WDR20: variants seen among roughly 807,000 people sequenced by gnomAD.
WDR20 encodes WD repeat domain 20.
WDR20 carries 3 observed loss-of-function variants against 38.7 expected under a neutral mutation model. That is an observed-to-expected ratio of 0.08 (90% CI 0.04 to 0.20). The LOEUF (loss-of-function observed/expected upper bound fraction) is 0.20, where lower values mean the gene tolerates loss of function less well. Among genes scored for constraint, WDR20 ranks in the 10% least tolerant of loss-of-function variants. The pLI is 1.00. For synonymous variants in WDR20, 298 were observed against 285.6 expected, an observed-to-expected ratio of 1.04 and a Z score of -0.44; for missense variants, 559 against 727.7, an observed-to-expected ratio of 0.77 and a Z score of 2.67.
downstream of WDR20, chr14:102,213,051 G>T (rs888745311): frequency 6.9e-5 from 68 of 989,532 alleles, no homozygotes; most frequent in Non-Finnish European, 7.9e-5. Flanking sequence ...GTCCCTGGGC[G>T]GTGTCAGACA....
chr14:102,155,100 C>T (rs1375508084), intron 1 of WDR20, among the ~76,000 whole-genome samples: 2 of 152,060 alleles, frequency 1.3e-5, no homozygotes, highest in Non-Finnish European at 2.9e-5. Context: ...GCATATTTTG[C>T]CTTTTGTACG....
chr14:102,166,453 T>C (rs1299397212), intron 1 of WDR20, among the ~76,000 whole-genome samples: 8 of 152,184 alleles, frequency 5.3e-5, no homozygotes. Context: ...TGTGCATGCA[T>C]GTTTGATGAA....
At chr14:102,210,614 C>T (rs538633838), downstream of WDR20, 3 of 896,336 alleles carry the variant, frequency 3.3e-6, no homozygotes, top group Admixed American at 6.2e-5. Flanking sequence ...AACTGCGGGC[C>T]GAGGACGCCA....
At chr14:102,184,592 A>T (rs1374686732) in intron 1 of WDR20, among the ~76,000 whole-genome samples, 2 of 151,978 alleles carry the variant, frequency 1.3e-5, no homozygotes, top group Admixed American at 1.3e-4. Flanking sequence ...GCTCCAAAGG[A>T]GGGGCTTTTG....
downstream of WDR20, chr14:102,212,666 C>T (rs1432800425): frequency 3.3e-6 from 5 of 1,525,572 alleles, no homozygotes; most frequent in Non-Finnish European, 4.4e-6. Context: ...TGAGTAATGG[C>T]TCCCGCAGAC....
At chr14:102,211,061 T>TC (rs1485010688), downstream of WDR20, among the ~76,000 whole-genome samples, 2 of 152,126 alleles carry the variant, frequency 1.3e-5, no homozygotes, top group East Asian at 3.9e-4. This position sits in a 1 kb window ranked among gnomAD's most constrained non-coding sequence, Gnocchi z 4.2. Flanking sequence ...GCTCTGCTGC[T>TC]CCCCCGGAGA....
intron 1 of WDR20, among the ~76,000 whole-genome samples, chr14:102,153,427 C>T (rs1344090479): frequency 2.0e-5 from 3 of 151,772 alleles, no homozygotes; most frequent in South Asian, 2.1e-4. Flanking sequence ...CTGCCTCAGC[C>T]TCTGGAGTAG....
chr14:102,172,767 TC>T (rs1454246731), intron 1 of WDR20, among the ~76,000 whole-genome samples: 1 of 150,030 alleles, frequency 6.7e-6, no homozygotes, highest in Non-Finnish European at 1.5e-5. Context: ...GCTCCTCACT[TC>T]CCAGACGGGG....
intron 1 of WDR20, among the ~76,000 whole-genome samples, chr14:102,179,590 A>G (rs2062939858): frequency 6.6e-6 from 1 of 152,012 alleles, no homozygotes; most frequent in Non-Finnish European, 1.5e-5. Flanking sequence ...GTCTGTATTT[A>G]TAACTTAAAA....
intron 1 of WDR20, among the ~76,000 whole-genome samples, chr14:102,147,436 G>A (rs1042500172): frequency 6.6e-6 from 1 of 152,144 alleles, no homozygotes; most frequent in Non-Finnish European, 1.5e-5. Flanking sequence ...AGAAGCACCT[G>A]GAATATGTCA....
chr14:102,174,546 A>T (rs150671529), intron 1 of WDR20, among the ~76,000 whole-genome samples: 2,180 of 152,254 alleles, frequency 0.014, 34 homozygotes, highest in Middle Eastern at 0.051. Context: ...CAGCCTCCCG[A>T]GTAGCTGGGA....
intron 1 of WDR20, among the ~76,000 whole-genome samples, chr14:102,155,286 T>C (rs749731573): frequency 1.3e-5 from 2 of 152,224 alleles, no homozygotes; most frequent in Non-Finnish European, 2.9e-5. Context: ...GTAAGATATT[T>C]CTTTTAGTTA....
At chr14:102,211,774 A>G (rs2153031283), downstream of WDR20, among the ~76,000 whole-genome samples, 1 of 152,274 alleles carries the variant, frequency 6.6e-6, no homozygotes, top group East Asian at 1.9e-4. This position sits in a 1 kb window ranked among gnomAD's most constrained non-coding sequence, Gnocchi z 4.2. Flanking sequence ...ATAGTTGTAA[A>G]CGTTCAGTTT....
At chr14:102,216,689 G>A (rs760976007), downstream of WDR20, among the ~76,000 whole-genome samples, 1 of 152,164 alleles carries the variant, frequency 6.6e-6, no homozygotes, top group African/African-American at 2.4e-5. Context: ...CAGCACTTTG[G>A]GAGGCCGAGG....
chr14:102,175,095 C>T (rs2061767617), intron 1 of WDR20, among the ~76,000 whole-genome samples: 1 of 152,042 alleles, frequency 6.6e-6, no homozygotes, highest in Non-Finnish European at 1.5e-5. Context: ...GTTGCATTTG[C>T]TTTTGGGTTC....
downstream of WDR20, chr14:102,224,652 C>T (rs1296247733): frequency 1.8e-5 from 8 of 455,850 alleles, no homozygotes; most frequent in Admixed American, 7.1e-5. Flanking sequence ...AATGCAGCCA[C>T]GGAAAACTTC....
chr14:102,142,754 C>T (rs2051831827), intron 1 of WDR20, among the ~76,000 whole-genome samples: 1 of 146,140 alleles, frequency 6.8e-6, no homozygotes, highest in African/African-American at 2.5e-5. Flanking sequence ...CCATGCCCAG[C>T]GCACAGTTGG....
At chr14:102,181,392 T>TC (rs1402775284) in intron 1 of WDR20, among the ~76,000 whole-genome samples, 1 of 152,114 alleles carries the variant, frequency 6.6e-6, no homozygotes, top group East Asian at 1.9e-4. Context: ...AGATCAGAGC[T>TC]CCGAGTTGAG....
At chr14:102,223,397 C>T (rs1249425261) in exon 4 of WDR20, 1 of 152,648 alleles carries the variant, frequency 6.6e-6, no homozygotes, top group Non-Finnish European at 1.5e-5. Flanking sequence ...AAATTGTTTG[C>T]ACTTAAAAAT....
Sources: gnomAD v4.1 joint callset for allele counts (sites outside exome capture counted in the v4.1 genomes callset) on GRCh38, gnomAD v4.1.1 for gene constraint, Gnocchi (gnomAD v3.1) non-coding constraint, MANE v1.5 for transcripts, NCBI Gene and HGNC (gene_info 2026-07-23, HGNC 2026-07-21) for gene names.